The following CYTH2 variants were observed in gnomAD, a reference collection of about 807,000 sequenced individuals.
The protein encoded by CYTH2 is cytohesin-2.
A neutral mutation model predicts 55.4 loss-of-function variants in CYTH2; 24 were observed. The observed-to-expected ratio is 0.43, with a 90% CI of 0.31 to 0.61. CYTH2 has a LOEUF of 0.61. CYTH2 is among the 20% of genes least tolerant of loss of function. The pLI is 0.08. For synonymous variants in CYTH2, 221 were observed against 209.6 expected (o/e 1.05, Z -0.47); for missense variants, 378 against 533.5 (o/e 0.71, Z 2.87).
rs755760100 is a variant in CYTH2, at chr19:48,473,992, C to T, written c.522C>T (p.Cys174=). The change falls in exon 6 of 12, where the codon TGC becomes TGT. Residue 174 remains cysteine, a synonymous_variant. Coordinates refer to ENST00000452733, the MANE Select transcript of CYTH2 (RefSeq NM_004228.7). Reference sequence around the variant, plus strand: ...CCTTCGCCCAGCGATACTGCCTGTGCAACCCTGGGGTTTTCCAGTCCACAG... The same window carrying T: ...CCTTCGCCCAGCGATACTGCCTGTGTAACCCTGGGGTTTTCCAGTCCACAG... ...MEAFAQRYCL[C]NPGVFQSTDT... 8.5e-5 allele frequency: 137 copies of T among 1,613,050 alleles called. No individual in the cohort carries two copies. The highest frequency in any genetic ancestry group is 1.1e-4 in the Non-Finnish European group (135 of 1,179,574).
intron 8 of CYTH2, chr19:48,475,882 G>A (rs1174238281): frequency 3.1e-6 from 1 of 317,892 alleles, no homozygotes; most frequent in African/African-American, 2.2e-5. Context: ...GGTTTATAAT[G>A]GAGACACGGT....
chr19:48,478,178 T>TG (rs1243844679), intron 9 of CYTH2, 33 bp downstream of exon 9: 1 of 1,612,654 alleles, frequency 6.2e-7, no homozygotes, highest in African/African-American at 1.3e-5. Flanking sequence ...TCTGGGGTCC[T>TG]GGGCGGAGTG....
intron 8 of CYTH2, chr19:48,475,314 A>C (rs978642626): frequency 4.8e-6 from 1 of 208,228 alleles, no homozygotes; most frequent in Non-Finnish European, 9.6e-6. Flanking sequence ...AGGGAGCCAA[A>C]CCCCTGGAAT....
chr19:48,478,440 C>T lies in CYTH2; in HGVS notation c.960C>T (p.Asn320=), dbSNP rs1971967090. The T allele has an allele frequency of 6.2e-7, 1 of 1,613,794 alleles. No homozygotes were observed. The highest frequency in any genetic ancestry group is 1.3e-5 in the African/African-American group (1 of 74,938). ...CGCCCTTCCTCTCTCGTCCCCAGAA[C>T]TGCTTTGAACTTTACATCCCCAACA... ...IREVDDPRKP[N]CFELYIPNNK... Residue 320 remains asparagine (N), a splice_region_variant and synonymous_variant, in exon 11 of 12, where the codon AAC becomes AAT. Transcript: ENST00000452733.
rs145710905 is a variant in CYTH2, at chr19:48,478,354, C to T, written c.957+8C>T. 3.7e-6 allele frequency: 6 copies of T among 1,613,948 alleles called. No homozygotes were observed. Among genetic ancestry groups the T allele is most frequent in the African/African-American group, 1.3e-5 (1 of 74,922 alleles). On this transcript the variant is annotated splice_region_variant and intron_variant, in intron 10 of 11. Transcript: ENST00000452733. ...GACGACCCCCGGAAACCGGTAAGAC[C>T]CTCTCTGTACACCTTCCTGCCAGGG...
In CYTH2 at chr19:48,471,320, T is replaced by G. The variant is rs182618747; in HGVS notation, c.234+651T>G. ...GCTCCCACCACCATGCCCAGCTAATTTTTGTATTTTTAGTACAGATGGGGT... is the reference window on the plus strand; with the variant it reads ...GCTCCCACCACCATGCCCAGCTAATGTTTGTATTTTTAGTACAGATGGGGT... On this transcript the variant is annotated intron_variant, in intron 3 of 11. Transcript: ENST00000452733. Among the ~76,000 whole-genome samples, 371 of 152,202 alleles carry G rather than the reference T, an allele frequency of 2.4e-3. 3 individuals are homozygous for G. Among genetic ancestry groups the G allele is most frequent in the African/African-American group, 8.4e-3 (348 of 41,522 alleles).
chr19:48,475,206 C>T, intron 8 of CYTH2: 1 of 462,588 alleles, frequency 2.2e-6, no homozygotes, highest in Non-Finnish European at 3.8e-6. Flanking sequence ...GTGCCAGGCC[C>T]TGAGCTGGGC....
At position 48,479,252 on chromosome 19, in the gene CYTH2, G is replaced by A. The variant is rs371251069; in HGVS notation, c.*42G>A. 2.1e-5 allele frequency: 33 copies of A among 1,606,830 alleles called. No homozygotes were observed. The highest frequency in any genetic ancestry group is 6.7e-5 in the East Asian group (3 of 44,718). ...CCATTATTTATTACGGAGCTGCCCCGCCTGGGTGGCCGGACCCCTGGGCCT... is the reference window on the plus strand; with the variant it reads ...CCATTATTTATTACGGAGCTGCCCCACCTGGGTGGCCGGACCCCTGGGCCT... On this transcript the variant is annotated 3_prime_UTR_variant, in exon 12 of 12. Coordinates refer to ENST00000452733, the MANE Select transcript of CYTH2 (RefSeq NM_004228.7).
intron 8 of CYTH2, chr19:48,477,715 A>T: frequency 3.7e-6 from 1 of 270,106 alleles, no homozygotes; most frequent in Non-Finnish European, 7.1e-6. Flanking sequence ...TGTCTGCCCC[A>T]GGAGGTAGGT....
In CYTH2 at chr19:48,473,340, G is replaced by A. The variant is rs370513069; in HGVS notation, c.396G>A (p.Leu132=). The A allele has an allele frequency of 3.7e-6, 6 of 1,614,012 alleles. No homozygotes were observed. The highest frequency in any genetic ancestry group is 1.3e-5 in the African/African-American group (1 of 74,916). The change falls in exon 5 of 12, where the codon CTG becomes CTA. Residue 132 remains leucine (L), a synonymous_variant. Transcript: ENST00000452733. ...NLAVLHAFVD[L]HEFTDLNLVQ... ...CAGTGCTCCATGCTTTTGTGGATCT[G>A]CATGAGTTCACCGACCTCAATCTGG...
rs1971775927 is a variant in CYTH2, at chr19:48,470,705, A to G, written c.234+36A>G. On this transcript the variant is annotated intron_variant, in intron 3 of 11. Coordinates refer to ENST00000452733, the MANE Select transcript of CYTH2 (RefSeq NM_004228.7). ...CCACAGGACTGGGATCAGCTGGGCA[A>G]ACATCCAGGCAGGGGCTTCTGGCAC... The G allele has an allele frequency of 2.5e-6, 4 of 1,613,684 alleles. No individual in the cohort carries two copies. The Admixed American group carries it at 5.0e-5, about 20-fold the overall frequency.
At position 48,474,494 on chromosome 19, in the gene CYTH2, C is replaced by G. The variant is rs1971869565; in HGVS notation, c.696+164C>G. The stretch of plus-strand genomic sequence containing the variant: ...TTTTTCTCTCTCTCTGGGTGCTTCT[C>G]TTCTTGACTGTCTCTCTCAGGCTTT... On this transcript the variant is annotated intron_variant, in intron 7 of 11. Transcript: ENST00000452733. This position sits in a 1 kb window ranked among gnomAD's most constrained non-coding sequence, Gnocchi z 4.9. Among the ~76,000 whole-genome samples, 2 of 152,174 alleles carry G rather than the reference C, an allele frequency of 1.3e-5. No individual in the cohort carries two copies. The highest frequency in any genetic ancestry group is 2.4e-5 in the African/African-American group (1 of 41,456).
chr19:48,478,559 A>G lies in CYTH2; in HGVS notation c.1079A>G (p.Gln360Arg), dbSNP rs142243059. The G allele has an allele frequency of 1.6e-5, 26 of 1,613,442 alleles. No individual in the cohort carries two copies. The African/African-American group carries it at 3.2e-4, about 20-fold the overall frequency. Residue 360 changes from glutamine (Q) to arginine (R), a missense_variant, in exon 11 of 12, where the codon CAG becomes CGG. Physicochemically the swap from Gln to Arg is conservative, Grantham distance 43 (BLOSUM62 1). Coordinates refer to ENST00000452733, the MANE Select transcript of CYTH2 (RefSeq NM_004228.7). ...HMVYRISAPT[Q>R]EEKDEWIKSI... The stretch of plus-strand genomic sequence containing the variant: ...GTGTACCGGATCTCGGCCCCCACGC[A>G]GGAGGAGAAGGACGAGTGGATCAAG...
At chr19:48,475,144 A>G (rs1345030910) in intron 8 of CYTH2, 195 bp downstream of exon 8, 1 of 568,766 alleles carries the variant, frequency 1.8e-6, no homozygotes, top group African/African-American at 1.9e-5. Flanking sequence ...GGCCTGTAGT[A>G]AGTACTTCCC....
intron 8 of CYTH2, chr19:48,477,449 C>G (rs537590612): frequency 1.3e-5 from 2 of 154,450 alleles, no homozygotes; most frequent in Admixed American, 6.4e-5. Flanking sequence ...GGCTGCCACC[C>G]GGGGCTCATG....
Position 48,474,696 on chromosome 19 carries a change from CT to C in CYTH2, c.697-139del. On this transcript the variant is annotated intron_variant, in intron 7 of 11. Coordinates refer to ENST00000452733, the MANE Select transcript of CYTH2 (RefSeq NM_004228.7). This position sits in a 1 kb window ranked among gnomAD's most constrained non-coding sequence, Gnocchi z 4.9. ...CCTCAGCCTCCCTCCACTTCTCTGCCTTTCACTTCCCTCTCCTCCCCACTAC... is the reference window on the plus strand; with the variant it reads ...CCTCAGCCTCCCTCCACTTCTCTGCCTTCACTTCCCTCTCCTCCCCACTAC... 2 of 710,110 alleles carry C rather than the reference CT, an allele frequency of 2.8e-6. No homozygotes were observed. The highest frequency in any genetic ancestry group is 4.8e-6 in the Non-Finnish European group (2 of 416,252). The allele number at this position is 710,110 out of a possible 1,614,324, so 44.0% of individuals were successfully genotyped here.
rs1972025891 is a variant in CYTH2 at position 48,480,398 on chromosome 19, T to C, written c.*1188T>C. On this transcript the variant is annotated 3_prime_UTR_variant, in exon 12 of 12. Transcript: ENST00000452733. The stretch of plus-strand genomic sequence containing the variant: ...CTGTGTTCGCTTTTGAGCTCTCCGA[T>C]GGGATGCGGCGCTTCGGAATTTCGG... 6.6e-6 allele frequency: 1 copy of C among 152,210 alleles called. No individual in the cohort carries two copies. Among genetic ancestry groups the C allele is most frequent in the African/African-American group, 2.4e-5 (1 of 41,462 alleles). 9.4% of individuals were successfully genotyped at this position (152,210 alleles called of 1,614,324 possible).
intron 4 of CYTH2, 79 bp downstream of exon 4, chr19:48,472,522 C>A: frequency 8.3e-7 from 1 of 1,198,396 alleles, no homozygotes. Flanking sequence ...ACTGGCAGCT[C>A]ACAGGTGGAA....
rs1667914937 is a variant in CYTH2 at position 48,481,979 on chromosome 19, A to AG, written c.*2773dup. 1 of 152,324 alleles carries AG rather than the reference A, an allele frequency of 6.6e-6. No individual in the cohort carries two copies. Among genetic ancestry groups the AG allele is most frequent in the East Asian group, 1.9e-4 (1 of 5,198 alleles). 9.4% of individuals were successfully genotyped at this position (152,324 alleles called of 1,614,324 possible). A position where few individuals can be genotyped will look rare whatever the true frequency, so the allele number is the denominator to read the frequency against. On this transcript the variant is annotated 3_prime_UTR_variant, in exon 12 of 12. Coordinates refer to ENST00000452733, the MANE Select transcript of CYTH2 (RefSeq NM_004228.7). Reference sequence around the variant, plus strand: ...CATGGATAGATTAATGCCTGCCTTAAGGGGTGAGTGAGTGCTCACCCTTGG... The same window carrying AG: ...CATGGATAGATTAATGCCTGCCTTAAGGGGGTGAGTGAGTGCTCACCCTTGG...
Sources: allele counts gnomAD v4.1 joint callset (sites outside exome capture counted in the v4.1 genomes callset), GRCh38; gene constraint gnomAD v4.1.1; non-coding constraint Gnocchi (gnomAD v3.1); transcripts MANE v1.5; gene names NCBI Gene and HGNC (gene_info 2026-07-23, HGNC 2026-07-21).